Variants in CASP9 observed in about 807,000 individuals in gnomAD.
The protein encoded by CASP9 is caspase 9.
In CASP9, 29 loss-of-function variants were observed where a neutral mutation model predicts 43.5. That is an observed-to-expected ratio of 0.67 (90% CI 0.50 to 0.91). The LOEUF (loss-of-function observed/expected upper bound fraction) is 0.91, where lower values mean the gene tolerates loss of function less well. Among genes scored for constraint, CASP9 ranks in the 40% least tolerant of loss-of-function variants. CASP9 has a pLI of 0.00. For missense variants in CASP9, 575 were observed against 537.4 expected, an observed-to-expected ratio of 1.07 and a Z score of -0.69; for synonymous variants, 206 against 211.9, an observed-to-expected ratio of 0.97 and a Z score of 0.24.
At chr1:15,504,869 A>G in intron 5 of CASP9, 111 bp from the exon 6 acceptor site, 6 of 1,068,416 alleles carry the variant, frequency 5.6e-6, no homozygotes, top group Non-Finnish European at 5.5e-6. Flanking sequence ...AGCCAGGGGC[A>G]CGAGGCTGAT....
chr1:15,503,574 A>G (rs1166303547), intron 6 of CASP9, among the ~76,000 whole-genome samples: 1 of 152,228 alleles, frequency 6.6e-6, no homozygotes, highest in East Asian at 1.9e-4. Context: ...ATGGTGCTCA[A>G]TAAACACTTA....
rs373021900 is a variant in CASP9, at chr1:15,508,863, TCTATCTTCCCTTTTGTTACCACA to T, written c.419-979_419-957del. Among the ~76,000 whole-genome samples the T allele has an allele frequency of 6.0e-4, 91 of 152,350 alleles. No homozygotes were observed. The Middle Eastern group carries it at 0.01, about 17-fold the overall frequency. On this transcript the variant is annotated intron_variant, in intron 2 of 8. Transcript: ENST00000333868. Reference sequence around the variant, plus strand: ...GGCCAGATATACTCAGCAAAGAGGCTCTATCTTCCCTTTTGTTACCACAAGACAGTAAAGAAGTAGGCAACATG... The same window carrying T: ...GGCCAGATATACTCAGCAAAGAGGCTAGACAGTAAAGAAGTAGGCAACATG...
intron 6 of CASP9, among the ~76,000 whole-genome samples, chr1:15,499,992 C>G (rs1258883260): frequency 1.3e-5 from 2 of 152,128 alleles, no homozygotes; most frequent in Non-Finnish European, 2.9e-5. Context: ...AGCTACAGAG[C>G]TACTGAAGTG....
At chr1:15,518,048 C>T in intron 2 of CASP9, 62 bp downstream of exon 2, 1 of 1,554,122 alleles carries the variant, frequency 6.4e-7, no homozygotes, top group East Asian at 2.3e-5. Context: ...CAGCTGTACT[C>T]ATAGTGAGTC....
intron 5 of CASP9, 118 bp from the exon 6 acceptor site, chr1:15,504,876 T>C: frequency 2.1e-6 from 2 of 957,108 alleles, no homozygotes; most frequent in Non-Finnish European, 3.1e-6. Context: ...GGCACGAGGC[T>C]GATTGAGACA....
At chr1:15,524,857 C>T, upstream of CASP9, 1 of 862,386 alleles carries the variant, frequency 1.2e-6, no homozygotes, top group Non-Finnish European at 1.4e-6. Context: ...CGCACCTCAG[C>T]GCCTCGCGCC....
At chr1:15,524,279 G>T, upstream of CASP9, 1 of 1,035,864 alleles carries the variant, frequency 9.7e-7, no homozygotes, top group Non-Finnish European at 1.3e-6. Context: ...CCCAGGACCC[G>T]CCCCCGCCCC....
intron 5 of CASP9, 36 bp from the exon 6 acceptor site, chr1:15,504,794 A>C: frequency 6.3e-7 from 1 of 1,593,562 alleles, no homozygotes; most frequent in Non-Finnish European, 8.5e-7. Flanking sequence ...AAAACCAAGA[A>C]GTTGGAGTAG....
rs1035726788 is a variant in CASP9, at chr1:15,506,247, G to A, written c.631-168C>T. 2.6e-5 allele frequency among the ~76,000 whole-genome samples: 4 copies of A among 151,772 alleles called. No individual in the cohort carries two copies. The South Asian group carries it at 6.2e-4, about 24-fold the overall frequency. ...GTGGATCATTTGAGGTCACGAGTTCGAGACCAGCCTGGCCAACATGGTGAA... is the reference window on the plus strand; with the variant it reads ...GTGGATCATTTGAGGTCACGAGTTCAAGACCAGCCTGGCCAACATGGTGAA... On this transcript the variant is annotated intron_variant, in intron 4 of 8. Transcript: ENST00000333868.
At chr1:15,504,487 T>G in intron 6 of CASP9, 124 bp downstream of exon 6, 1 of 944,618 alleles carries the variant, frequency 1.1e-6, no homozygotes, top group Non-Finnish European at 1.6e-6. Context: ...AGGGACCATG[T>G]GTGGTACCCT....
intron 6 of CASP9, among the ~76,000 whole-genome samples, chr1:15,501,614 C>T (rs1180559909): frequency 6.6e-6 from 1 of 152,200 alleles, no homozygotes; most frequent in African/African-American, 2.4e-5. Flanking sequence ...CGTTAAGCAC[C>T]AGGTCACGCA....
intron 1 of CASP9, 108 bp downstream of exon 1, chr1:15,523,961 C>T (rs1420117906): frequency 2.5e-6 from 2 of 798,260 alleles, no homozygotes; most frequent in East Asian, 3.1e-5. Flanking sequence ...TCTTTGGCTC[C>T]GCTGAGGGGT....
At chr1:15,513,997 T>G (rs1709861040) in intron 2 of CASP9, among the ~76,000 whole-genome samples, 1 of 152,208 alleles carries the variant, frequency 6.6e-6, no homozygotes, top group Non-Finnish European at 1.5e-5. Flanking sequence ...CCGACACACT[T>G]GACAACTCAA....
At chr1:15,502,005 C>T (rs1709349357) in intron 6 of CASP9, among the ~76,000 whole-genome samples, 1 of 152,192 alleles carries the variant, frequency 6.6e-6, no homozygotes, top group Non-Finnish European at 1.5e-5. Context: ...CCACCTTGGC[C>T]TCCCAAACTG....
rs1269363924 is a variant in CASP9 at position 15,507,027 on chromosome 1, T to C, written c.502A>G (p.Asn168Asp). The change falls in exon 4 of 9, where the codon AAT (asparagine) becomes GAT (aspartate). Residue 168 changes from asparagine to aspartate, a missense_variant. Coordinates refer to ENST00000333868, the MANE Select transcript of CASP9 (RefSeq NM_001229.5). The part of the protein sequence containing the change: ...EPCGHCLIIN[N>D]VNFCRESGLR... ...CCGGACTCACGGCAGAAGTTCACAT[T>C]GTTGATAATGAGGCAGTGGCCACAG... The C allele has an allele frequency of 2.5e-6, 4 of 1,614,150 alleles. No homozygotes were observed. The highest frequency in any genetic ancestry group is 3.4e-6 in the Non-Finnish European group (4 of 1,180,014).
upstream of CASP9, chr1:15,524,683 C>G (rs1710381143): frequency 1.9e-6 from 2 of 1,052,208 alleles, no homozygotes; most frequent in Non-Finnish European, 2.3e-6. Flanking sequence ...CACCGCCTCG[C>G]CTTCAGGACG....
In CASP9 at chr1:15,524,176, G is replaced by T; in HGVS notation, c.25C>A (p.Leu9Met). ...ACCAGCCGCAGCCGGCACCGCCGCA[G>T]GAGCCGCCGATCCGCTTCGTCCATG... MDEADRRLLRRCRLRLVEE... is the reference protein window; with the variant it reads MDEADRRLMRRCRLRLVEE... Residue 9 changes from leucine to methionine, a missense_variant, in exon 1 of 9, where the codon CTG (leucine) becomes ATG (methionine). Leu to Met is a conservative substitution (Grantham distance 15). Transcript: ENST00000333868. 6.5e-7 allele frequency: 1 copy of T among 1,543,928 alleles called. No homozygotes were observed.
chr1:15,520,217 T>G (rs1710126642), intron 1 of CASP9, among the ~76,000 whole-genome samples: 1 of 152,326 alleles, frequency 6.6e-6, no homozygotes, highest in South Asian at 2.1e-4. Flanking sequence ...GTCTGTATTG[T>G]CCTATTTAGT....
At chr1:15,506,869 CCT>C (rs1402658786) in intron 4 of CASP9, 28 bp downstream of exon 4, 4 of 1,574,218 alleles carry the variant, frequency 2.5e-6, no homozygotes, top group Non-Finnish European at 3.5e-6. Flanking sequence ...TGCCCCCCAC[CCT>C]GTCTCCCTCC....
Sources: allele counts gnomAD v4.1 joint callset (sites outside exome capture counted in the v4.1 genomes callset), GRCh38; gene constraint gnomAD v4.1.1; transcripts MANE v1.5; gene names NCBI Gene and HGNC (gene_info 2026-07-23, HGNC 2026-07-21).